DOCK3: variants seen among roughly 807,000 people sequenced by gnomAD.
DOCK3 encodes dedicator of cytokinesis 3.
A neutral mutation model predicts 265.6 loss-of-function variants in DOCK3; 60 were observed. That is an observed-to-expected ratio of 0.23 (90% confidence interval 0.18 to 0.28). DOCK3 has a LOEUF of 0.28. Ranked by LOEUF, DOCK3 falls within the 10% of genes least tolerant of loss-of-function variation. The pLI, the probability that DOCK3 is intolerant of heterozygous loss-of-function variation, is 1.00. For synonymous variants in DOCK3, 881 were observed against 938.0 expected (o/e 0.94, Z 1.11); for missense variants, 1,981 against 2,594.3 (o/e 0.76, Z 5.14).
chr3:50,867,262 TG>T (rs2047187135), intron 3 of DOCK3, among the ~76,000 whole-genome samples: 1 of 152,208 alleles, frequency 6.6e-6, no homozygotes, highest in Admixed American at 6.5e-5. Context: ...TACTGATTTT[TG>T]TATGTTCATT....
intron 27 of DOCK3, among the ~76,000 whole-genome samples, chr3:51,301,428 A>G (rs1262718772): frequency 2.0e-5 from 3 of 149,470 alleles, no homozygotes; most frequent in Non-Finnish European, 3.0e-5. Flanking sequence ...CTCATCTTGG[A>G]TATTTCCTGT....
chr3:50,925,890 G>T (rs1334217137), intron 4 of DOCK3, among the ~76,000 whole-genome samples: 1 of 135,892 alleles, frequency 7.4e-6, no homozygotes, highest in Non-Finnish European at 1.5e-5. Context: ...GAGTGCAAAT[G>T]ACACAATCTT....
At chr3:50,948,759 A>G (rs1027159349) in intron 5 of DOCK3, among the ~76,000 whole-genome samples, 1 of 152,070 alleles carries the variant, frequency 6.6e-6, no homozygotes, top group African/African-American at 2.4e-5. Context: ...GATTACAGGC[A>G]TGAGCCACCA....
intron 2 of DOCK3, among the ~76,000 whole-genome samples, chr3:50,805,272 T>C (rs2043342334): frequency 6.6e-6 from 1 of 152,168 alleles, no homozygotes; most frequent in African/African-American, 2.4e-5. Flanking sequence ...GGAATTTGCA[T>C]GTTTCTGAGT....
intron 4 of DOCK3, among the ~76,000 whole-genome samples, chr3:50,914,360 A>G (rs1301025995): frequency 6.6e-6 from 1 of 151,866 alleles, no homozygotes; most frequent in East Asian, 1.9e-4. Flanking sequence ...TCTTAATACC[A>G]CTTTTGCTGT....
At chr3:50,868,705 G>A (rs1367081689) in intron 3 of DOCK3, among the ~76,000 whole-genome samples, 1 of 151,794 alleles carries the variant, frequency 6.6e-6, no homozygotes, top group Non-Finnish European at 1.5e-5. Context: ...TCTTGTTACT[G>A]GTCTTTTCAG....
intron 25 of DOCK3, chr3:51,276,366 G>T (rs1214519403): frequency 2.0e-6 from 2 of 985,230 alleles, no homozygotes; most frequent in Non-Finnish European, 2.4e-6. Flanking sequence ...TTGTATTGAG[G>T]GGGTGGACAG....
chr3:51,304,627 A>G (rs1009037569), intron 27 of DOCK3, among the ~76,000 whole-genome samples: 3 of 152,174 alleles, frequency 2.0e-5, no homozygotes, highest in African/African-American at 4.8e-5. Context: ...CTCCTGATCT[A>G]TGGGTTGCAC....
intron 3 of DOCK3, among the ~76,000 whole-genome samples, chr3:50,869,683 A>G (rs2047344356): frequency 7.6e-6 from 1 of 131,164 alleles, no homozygotes; most frequent in African/African-American, 3.0e-5. Context: ...GATCTTTATT[A>G]TTTTTCTTCT....
intron 27 of DOCK3, among the ~76,000 whole-genome samples, chr3:51,288,203 TCAA>T (rs1036547540): frequency 6.6e-6 from 1 of 151,820 alleles, no homozygotes; most frequent in African/African-American, 2.4e-5. Flanking sequence ...ACCAGCCTGG[TCAA>T]CATGGTGAAA....
chr3:50,840,761 A>C (rs1164820388), intron 2 of DOCK3, among the ~76,000 whole-genome samples: 1 of 152,236 alleles, frequency 6.6e-6, no homozygotes, highest in Admixed American at 6.5e-5. Flanking sequence ...ATAAATGGAG[A>C]AATGAGACTC....
At chr3:50,868,007 C>T (rs1202148732) in intron 3 of DOCK3, among the ~76,000 whole-genome samples, 1 of 151,160 alleles carries the variant, frequency 6.6e-6, no homozygotes, top group African/African-American at 2.4e-5. Context: ...GGTATTAGTT[C>T]TTCTTTAAAT....
chr3:51,019,064 A>G (rs2079477803), intron 5 of DOCK3, among the ~76,000 whole-genome samples: 1 of 151,560 alleles, frequency 6.6e-6, no homozygotes, highest in African/African-American at 2.4e-5. Context: ...TCTTGTAGAG[A>G]TGGGTTCTTG....
chr3:50,942,287 A>T (rs1037257110), intron 5 of DOCK3, among the ~76,000 whole-genome samples: 1 of 152,044 alleles, frequency 6.6e-6, no homozygotes, highest in Admixed American at 6.6e-5. Flanking sequence ...GTTAAATTTT[A>T]AGCTTCATAG....
chr3:50,988,291 G>T (rs192438746), intron 5 of DOCK3, among the ~76,000 whole-genome samples: 2 of 151,966 alleles, frequency 1.3e-5, no homozygotes, highest in African/African-American at 4.8e-5. Flanking sequence ...CTTTAAGCAG[G>T]TCCCAGATCC....
chr3:50,996,228 T>TG (rs1315301486), intron 5 of DOCK3, among the ~76,000 whole-genome samples: 1 of 150,522 alleles, frequency 6.6e-6, no homozygotes, highest in Non-Finnish European at 1.5e-5. Flanking sequence ...CTTAACTTTT[T>TG]TTTTTTTTTG....
chr3:50,737,579 T>C (rs532357365), intron 1 of DOCK3, among the ~76,000 whole-genome samples: 1 of 152,358 alleles, frequency 6.6e-6, no homozygotes, highest in Non-Finnish European at 1.5e-5. Flanking sequence ...TGGTGTCCCA[T>C]AATTCCTTTG....
intron 5 of DOCK3, among the ~76,000 whole-genome samples, chr3:51,001,443 A>C (rs763077896): frequency 6.6e-5 from 10 of 152,012 alleles, no homozygotes; most frequent in Non-Finnish European, 1.2e-4. Flanking sequence ...GGGCCTTTGG[A>C]GTTGGACTGG....
chr3:50,721,936 C>T (rs2037500119), intron 1 of DOCK3, among the ~76,000 whole-genome samples: 1 of 152,158 alleles, frequency 6.6e-6, no homozygotes, highest in South Asian at 2.1e-4. Context: ...CCCCAGAGCC[C>T]CTAGTCACAG....
Sources: allele counts gnomAD v4.1 joint callset (sites outside exome capture counted in the v4.1 genomes callset), GRCh38; gene constraint gnomAD v4.1.1; transcripts MANE v1.5; gene names NCBI Gene and HGNC (gene_info 2026-07-23, HGNC 2026-07-21).